The following ATP11B variants were observed in gnomAD, a reference collection of about 807,000 sequenced individuals.
ATP11B encodes the protein ATPase phospholipid transporting 11B (putative), also known as phospholipid-transporting ATPase IF.
ATP11B carries 81 observed loss-of-function variants against 157.8 expected under a neutral mutation model. The observed-to-expected ratio is 0.51, with a 90% CI of 0.43 to 0.62. The LOEUF is 0.62. Among genes scored for constraint, ATP11B ranks in the 20% least tolerant of loss-of-function variants. ATP11B has a pLI of 0.00. For missense variants in ATP11B, 1,165 were observed against 1,402.2 expected, an observed-to-expected ratio of 0.83 and a Z score of 2.70; for synonymous variants, 451 against 469.4, an observed-to-expected ratio of 0.96 and a Z score of 0.51.
At chr3:182,801,640 A>G (rs1716021676) in intron 1 of ATP11B, among the ~76,000 whole-genome samples, 1 of 152,166 alleles carries the variant, frequency 6.6e-6, no homozygotes, top group Non-Finnish European at 1.5e-5. Context: ...CCCTTTAGTG[A>G]TTTTGAAGCA....
chr3:182,845,445 C>T lies in ATP11B; in HGVS notation c.705-13C>T. 1 of 1,587,072 alleles carries T rather than the reference C, an allele frequency of 6.3e-7. No homozygotes were observed. Among genetic ancestry groups the T allele is most frequent in the Non-Finnish European group, 8.5e-7 (1 of 1,172,632 alleles). The stretch of plus-strand genomic sequence containing the variant: ...ATATTCAGTGCTTTATGGTTATTTT[C>T]TTTTTTTCCTAGACCTCTGGGGCCG... On this transcript the variant is annotated splice_polypyrimidine_tract_variant and intron_variant, in intron 8 of 29. Coordinates refer to ENST00000323116, the MANE Select transcript of ATP11B (RefSeq NM_014616.3).
intron 29 of ATP11B, chr3:182,917,738 A>G (rs1725232221): frequency 1.0e-6 from 1 of 985,026 alleles, no homozygotes; most frequent in Admixed American, 6.2e-5. Context: ...TTAACACTTT[A>G]AAAGCAGCTC....
intron 28 of ATP11B, among the ~76,000 whole-genome samples, chr3:182,904,316 A>G (rs1724176890): frequency 6.6e-6 from 1 of 152,250 alleles, no homozygotes; most frequent in Non-Finnish European, 1.5e-5. Flanking sequence ...GTGCTCCACT[A>G]AAAGCCAGGC....
At chr3:182,899,541 A>G (rs1410205947) in intron 28 of ATP11B, among the ~76,000 whole-genome samples, 2 of 152,218 alleles carry the variant, frequency 1.3e-5, no homozygotes, top group Admixed American at 6.5e-5. Context: ...TAGAATTTTT[A>G]AAATTACATT....
At chr3:182,898,543 T>C in intron 27 of ATP11B, 64 bp from the exon 28 acceptor site, 1 of 1,364,592 alleles carries the variant, frequency 7.3e-7, no homozygotes, top group Non-Finnish European at 9.9e-7. Flanking sequence ...AGTGTCTTTA[T>C]ATGATGTCCT....
At position 182,828,164 on chromosome 3, in the gene ATP11B, C is replaced by T; in HGVS notation, c.189C>T (p.Phe63=). Residue 63 remains phenylalanine, a synonymous_variant, in exon 3 of 30, where the codon TTC becomes TTT. Coordinates refer to ENST00000323116, the MANE Select transcript of ATP11B (RefSeq NM_014616.3). ...NFVPKNLFEQ[F]RRVANFYFLI... is the part of the protein sequence containing the mutation. ...TTCCAAAAAATTTATTTGAACAGTT[C>T]AGAAGAGTGGCAAACTTTTATTTTC... 6.6e-7 allele frequency: 1 copy of T among 1,513,612 alleles called. No individual in the cohort carries two copies. The highest frequency in any genetic ancestry group is 8.9e-7 in the Non-Finnish European group (1 of 1,120,884). 93.8% of individuals were successfully genotyped at this position (1,513,612 alleles called of 1,614,324 possible).
At chr3:182,892,539 G>T (rs1249442983) in intron 25 of ATP11B, among the ~76,000 whole-genome samples, 4 of 152,022 alleles carry the variant, frequency 2.6e-5, no homozygotes, top group Non-Finnish European at 5.9e-5. Context: ...TGGGTTTAAG[G>T]GTAGAACAAT....
At position 182,802,304 on chromosome 3, in the gene ATP11B, A is replaced by G. The variant is rs532122984; in HGVS notation, c.27+8518A>G. ...CTTCTGTCCTTGCAGTCTGTTTTCA[A>G]TATACCCACCAGAGTGATCTTATTA... On this transcript the variant is annotated intron_variant, in intron 1 of 29. Transcript: ENST00000323116. Among the ~76,000 whole-genome samples, 4 of 152,196 alleles carry G rather than the reference A, an allele frequency of 2.6e-5. No homozygotes were observed. In the South Asian group the frequency reaches 6.2e-4, roughly 24 times the overall value.
chr3:182,797,714 G>GA (rs1312718192), intron 1 of ATP11B, among the ~76,000 whole-genome samples: 1 of 105,870 alleles, frequency 9.4e-6, no homozygotes, highest in Non-Finnish European at 1.9e-5. Context: ...TCTCAAAAAA[G>GA]AAAAAAGAAA....
chr3:182,797,031 T>G (rs557518158), intron 1 of ATP11B, among the ~76,000 whole-genome samples: 1 of 152,348 alleles, frequency 6.6e-6, no homozygotes, highest in Admixed American at 6.5e-5. Flanking sequence ...CTTTCTGTTC[T>G]TCCTCACACT....
rs922665149 is a variant in ATP11B at position 182,921,337 on chromosome 3, T to G, written c.*3233T>G. On this transcript the variant is annotated 3_prime_UTR_variant, in exon 30 of 30. Transcript: ENST00000323116. The stretch of plus-strand genomic sequence containing the variant: ...CTATTTTCATAAAAGTAAAACACTA[T>G]TAAAGTGCTGTTTTATGTGAAATAA... 1 of 152,226 alleles carries G rather than the reference T, an allele frequency of 6.6e-6. No homozygotes were observed. The highest frequency in any genetic ancestry group is 2.4e-5 in the African/African-American group (1 of 41,460). 9.4% of individuals were successfully genotyped at this position (152,226 alleles called of 1,614,324 possible).
At chr3:182,845,010 T>TTTTTTTTTTTTTTTTTA (rs1560081901) in intron 8 of ATP11B, among the ~76,000 whole-genome samples, 2 of 68,250 alleles carry the variant, frequency 2.9e-5, no homozygotes, top group African/African-American at 8.3e-5. Context: ...TTTTTTATTT[T>TTTTTTTTTTTTTTTTTA]TTTTTATTTT....
intron 1 of ATP11B, among the ~76,000 whole-genome samples, chr3:182,800,776 ATTC>A (rs1715948515): frequency 8.0e-6 from 1 of 124,568 alleles, no homozygotes; most frequent in African/African-American, 3.0e-5. Context: ...GTATTGGCAA[ATTC>A]TTTTGATTTT....
intron 29 of ATP11B, chr3:182,917,542 T>G (rs560889510): frequency 5.1e-6 from 5 of 985,364 alleles, no homozygotes; most frequent in African/African-American, 1.7e-5. Context: ...TTCGCTACAT[T>G]CAAGCTAATT....
At chr3:182,795,125 C>T (rs1490480302) in intron 1 of ATP11B, among the ~76,000 whole-genome samples, 1 of 152,054 alleles carries the variant, frequency 6.6e-6, no homozygotes, top group Non-Finnish European at 1.5e-5. Flanking sequence ...ATTCAGATAT[C>T]CCAGATATAT....
In ATP11B at chr3:182,913,876, G is replaced by A. The variant is rs375007530; in HGVS notation, c.3334G>A (p.Ala1112Thr). The change falls in exon 29 of 30, where the codon GCA becomes ACA. Residue 1112 changes from alanine to threonine, a missense_variant. Physicochemically the swap from Ala to Thr is moderately conservative, Grantham distance 58. Coordinates refer to ENST00000323116, the MANE Select transcript of ATP11B (RefSeq NM_014616.3). Reference sequence around the variant, plus strand: ...CCTCCCGCAGCTTACTGAAACAAATGCAGGTATCAAGTGCTTGGACTCCAT... The same window carrying A: ...CCTCCCGCAGCTTACTGAAACAAATACAGGTATCAAGTGCTTGGACTCCAT... ...TEKAQLTETN[A>T]GIKCLDSMCC... 6.2e-7 allele frequency: 1 copy of A among 1,614,108 alleles called. No individual in the cohort carries two copies. Among genetic ancestry groups the A allele is most frequent in the Non-Finnish European group, 8.5e-7 (1 of 1,179,950 alleles).
chr3:182,793,805 C>T lies in ATP11B; in HGVS notation c.27+19C>T, dbSNP rs751417844. 1.0e-5 allele frequency: 14 copies of T among 1,363,356 alleles called. No individual in the cohort carries two copies. Among genetic ancestry groups the T allele is most frequent in the Middle Eastern group, 5.0e-4 (2 of 4,020 alleles). The allele number at this position is 1,363,356 out of a possible 1,614,324, so 84.5% of individuals were successfully genotyped here. A position where few individuals can be genotyped will look rare whatever the true frequency, so the allele number is the denominator to read the frequency against. ...GCAGCTGGTAGGTGCCCCCGCCCCT[C>T]CACCTCCATTCGTCCGCCCCCGCGG... On this transcript the variant is annotated intron_variant, in intron 1 of 29. Transcript: ENST00000323116.
chr3:182,832,272 T>A (rs1212658951), intron 4 of ATP11B, among the ~76,000 whole-genome samples: 2 of 152,194 alleles, frequency 1.3e-5, no homozygotes, highest in African/African-American at 4.8e-5. Flanking sequence ...ATATGAGTAC[T>A]AAATTTAGAT....
At chr3:182,842,635 A>G (rs1036841541) in intron 8 of ATP11B, among the ~76,000 whole-genome samples, 1 of 152,114 alleles carries the variant, frequency 6.6e-6, no homozygotes, top group Non-Finnish European at 1.5e-5. Context: ...GTGGGGGAAG[A>G]GTAGAGTCCT....
Sources: gnomAD v4.1 joint callset for allele counts (sites outside exome capture counted in the v4.1 genomes callset) on GRCh38, gnomAD v4.1.1 for gene constraint, MANE v1.5 for transcripts, NCBI Gene and HGNC (gene_info 2026-07-23, HGNC 2026-07-21) for gene names.